NRCAM: variants seen among roughly 807,000 people sequenced by gnomAD.
The protein encoded by NRCAM is NgCAM-related cell adhesion molecule.
In NRCAM, 83 loss-of-function variants were observed where a neutral mutation model predicts 156.5. The observed-to-expected ratio is 0.53, with a 90% CI of 0.44 to 0.64. The LOEUF (loss-of-function observed/expected upper bound fraction) is 0.64, where lower values mean the gene tolerates loss of function less well. NRCAM is among the 30% of genes least tolerant of loss of function. The probability of loss-of-function intolerance (pLI) is 0.00; values close to 1 mark genes in which losing one functional copy is unlikely to be tolerated. For synonymous variants in NRCAM, 538 were observed against 563.9 expected (o/e 0.95, Z 0.65); for missense variants, 1,417 against 1,597.3 (o/e 0.89, Z 1.92).
intron 2 of NRCAM, among the ~76,000 whole-genome samples, chr7:108,369,997 A>AC (rs2099618126): frequency 1.3e-5 from 2 of 152,192 alleles, no homozygotes; most frequent in Admixed American, 1.3e-4. Flanking sequence ...GCAAACTATT[A>AC]CGATTAAAAG....
At chr7:108,455,221 T>C (rs1855483668) in intron 1 of NRCAM, among the ~76,000 whole-genome samples, 1 of 152,066 alleles carries the variant, frequency 6.6e-6, no homozygotes. Context: ...CTCCGCACTC[T>C]AGCAGATGCG....
At chr7:108,209,948 C>G (rs1307987141) in intron 11 of NRCAM, among the ~76,000 whole-genome samples, 1 of 151,998 alleles carries the variant, frequency 6.6e-6, no homozygotes, top group Non-Finnish European at 1.5e-5. Context: ...CTATGTTAAT[C>G]AAAAGAATTA....
chr7:108,275,166 C>T (rs764781916), intron 3 of NRCAM, among the ~76,000 whole-genome samples: 4 of 152,154 alleles, frequency 2.6e-5, no homozygotes, highest in Admixed American at 6.5e-5. Context: ...ATTTTTGCAT[C>T]GATATTCATC....
chr7:108,275,782 A>T (rs1483388587), intron 3 of NRCAM, among the ~76,000 whole-genome samples: 1 of 151,500 alleles, frequency 6.6e-6, no homozygotes, highest in Admixed American at 6.6e-5. Context: ...CTAGCTTTTG[A>T]ATTTGTTTGC....
chr7:108,240,283 G>C (rs2095438155), intron 3 of NRCAM, 113 bp from the exon 4 acceptor site: 1 of 353,960 alleles, frequency 2.8e-6, no homozygotes, highest in Non-Finnish European at 5.2e-6. Flanking sequence ...AACTCTAAAA[G>C]AAAGTTAACT....
At chr7:108,363,118 A>C (rs1242464722) in intron 2 of NRCAM, among the ~76,000 whole-genome samples, 1 of 152,214 alleles carries the variant, frequency 6.6e-6, no homozygotes, top group African/African-American at 2.4e-5. Context: ...AGAAAAAGTC[A>C]AATTGGATTA....
intron 12 of NRCAM, among the ~76,000 whole-genome samples, chr7:108,208,433 T>C: frequency 6.6e-6 from 1 of 152,214 alleles, no homozygotes; most frequent in African/African-American, 2.4e-5. Context: ...CCTCCTTCCC[T>C]CAGCTTCCTC....
intron 1 of NRCAM, among the ~76,000 whole-genome samples, chr7:108,408,576 C>T: frequency 6.6e-6 from 1 of 152,196 alleles, no homozygotes; most frequent in Non-Finnish European, 1.5e-5. Flanking sequence ...AGTGTCTTCA[C>T]ATACAGATAC....
chr7:108,367,084 T>C (rs966164409), intron 2 of NRCAM, among the ~76,000 whole-genome samples: 1 of 152,222 alleles, frequency 6.6e-6, no homozygotes, highest in Non-Finnish European at 1.5e-5. Flanking sequence ...TCTGCTACTT[T>C]GATTAGAACA....
intron 3 of NRCAM, among the ~76,000 whole-genome samples, chr7:108,247,869 C>T (rs2096063817): frequency 6.6e-6 from 1 of 152,196 alleles, no homozygotes; most frequent in South Asian, 2.1e-4. Context: ...CAAGCCAAAC[C>T]ACAGGGATAG....
chr7:108,293,596 A>G (rs532976062), intron 3 of NRCAM, among the ~76,000 whole-genome samples: 6 of 150,650 alleles, frequency 4.0e-5, no homozygotes. Flanking sequence ...TTTGTAGATT[A>G]TTTTAAAACC....
intron 3 of NRCAM, among the ~76,000 whole-genome samples, chr7:108,272,883 G>A (rs533623162): frequency 1.6e-4 from 24 of 151,780 alleles, no homozygotes; most frequent in Non-Finnish European, 3.1e-4. Context: ...TTCTCCTAAC[G>A]CTATCCCTCC....
At chr7:108,237,885 T>A (rs1204139679) in intron 4 of NRCAM, 116 bp from the exon 5 acceptor site, 1 of 715,732 alleles carries the variant, frequency 1.4e-6, no homozygotes, top group Non-Finnish European at 2.1e-6. Context: ...TCTATTTGAT[T>A]TGATCTAAGA....
At chr7:108,442,335 T>C (rs1186800857) in intron 1 of NRCAM, among the ~76,000 whole-genome samples, 1 of 152,144 alleles carries the variant, frequency 6.6e-6, no homozygotes, top group African/African-American at 2.4e-5. Context: ...GTATAACACA[T>C]GCATATTCGT....
At chr7:108,179,067 G>C (rs1212025939) in intron 25 of NRCAM, among the ~76,000 whole-genome samples, 2 of 152,124 alleles carry the variant, frequency 1.3e-5, no homozygotes, top group Non-Finnish European at 2.9e-5. Context: ...AGGCTTCTAA[G>C]CTTCCCCAAC....
rs193030234 is a variant in NRCAM at position 108,204,490 on chromosome 7, T to C, written c.1207+3038A>G. On this transcript the variant is annotated intron_variant, in intron 13 of 32. Coordinates refer to ENST00000379028, the MANE Select transcript of NRCAM (RefSeq NM_001037132.4). ...TAGTTATGAGATGTCCAAATGGTAA[T>C]CCACTTTCAGCTTGGCCACCAGATG... Among the ~76,000 whole-genome samples the C allele has an allele frequency of 1.9e-3, 287 of 152,316 alleles. 1 individual carries two copies. Among genetic ancestry groups the C allele is most frequent in the African/African-American group, 6.7e-3 (279 of 41,562 alleles).
intron 32 of NRCAM, chr7:108,156,527 AG>A (rs1202031786): frequency 4.8e-6 from 2 of 412,802 alleles, no homozygotes; most frequent in African/African-American, 4.3e-5. Context: ...GTGTCAGAGT[AG>A]GGGCACAGGG....
At chr7:108,154,082 A>G (rs868475913) in intron 32 of NRCAM, among the ~76,000 whole-genome samples, 2 of 152,180 alleles carry the variant, frequency 1.3e-5, no homozygotes, top group Non-Finnish European at 2.9e-5. Context: ...TGATGTACAA[A>G]TAAATGAAAA....
At chr7:108,375,999 T>C (rs1471803138) in intron 2 of NRCAM, among the ~76,000 whole-genome samples, 1 of 152,226 alleles carries the variant, frequency 6.6e-6, no homozygotes, top group Admixed American at 6.5e-5. Context: ...TAAATTGCCA[T>C]TGTCCAAACT....
Sources: allele counts gnomAD v4.1 joint callset (sites outside exome capture counted in the v4.1 genomes callset), GRCh38; gene constraint gnomAD v4.1.1; transcripts MANE v1.5; gene names NCBI Gene and HGNC (gene_info 2026-07-23, HGNC 2026-07-21).